The following RAPGEF4 variants were observed in gnomAD, a reference collection of about 807,000 sequenced individuals.
The protein encoded by RAPGEF4 is RAP guanine-nucleotide-exchange factor (GEF) 4.
In RAPGEF4, 66 loss-of-function variants were observed where a neutral mutation model predicts 147.9. The ratio of observed to expected loss-of-function variants is 0.45; its 90% CI spans 0.37 to 0.55. The LOEUF (loss-of-function observed/expected upper bound fraction) is 0.55, where lower values mean the gene tolerates loss of function less well. Ranked by LOEUF, RAPGEF4 falls within the 20% of genes least tolerant of loss-of-function variation. The pLI, the probability that RAPGEF4 is intolerant of heterozygous loss-of-function variation, is 0.00. For missense variants in RAPGEF4, 1,071 were observed against 1,257.3 expected (o/e 0.85, Z 2.24); for synonymous variants, 419 against 442.7 (o/e 0.95, Z 0.67).
intron 17 of RAPGEF4, among the ~76,000 whole-genome samples, chr2:173,008,666 T>G (rs1014596720): frequency 2.0e-5 from 3 of 152,218 alleles, no homozygotes; most frequent in Non-Finnish European, 4.4e-5. Flanking sequence ...TATTCCCTGT[T>G]GTAGGCTGTA....
intron 4 of RAPGEF4, among the ~76,000 whole-genome samples, chr2:172,816,968 C>A (rs1228433367): frequency 6.6e-6 from 1 of 152,196 alleles, no homozygotes; most frequent in Non-Finnish European, 1.5e-5. Context: ...CATTATCTAG[C>A]AATCTGTTAA....
At chr2:172,803,515 A>G (rs761640197) in intron 3 of RAPGEF4, among the ~76,000 whole-genome samples, 2 of 152,154 alleles carry the variant, frequency 1.3e-5, no homozygotes, top group Non-Finnish European at 2.9e-5. Context: ...GGCCCATGAA[A>G]CCATTTTTTC....
At chr2:173,028,228 A>G (rs1696847248) in intron 25 of RAPGEF4, among the ~76,000 whole-genome samples, 1 of 152,240 alleles carries the variant, frequency 6.6e-6, no homozygotes, top group African/African-American at 2.4e-5. Context: ...AAAGCTGGCT[A>G]TTTTAAGAAA....
chr2:172,799,393 C>G (rs187327270), intron 3 of RAPGEF4, among the ~76,000 whole-genome samples: 2 of 152,200 alleles, frequency 1.3e-5, no homozygotes, highest in Non-Finnish European at 2.9e-5. Flanking sequence ...CACCACTGCT[C>G]TCCACCATTT....
chr2:173,014,252 A>G (rs1695296372), intron 17 of RAPGEF4, among the ~76,000 whole-genome samples: 1 of 152,166 alleles, frequency 6.6e-6, no homozygotes, highest in Admixed American at 6.5e-5. Context: ...CCCTTGGGCA[A>G]CTATCAGGCC....
chr2:172,872,000 C>T (rs1201799565), intron 4 of RAPGEF4, among the ~76,000 whole-genome samples: 1 of 152,152 alleles, frequency 6.6e-6, no homozygotes, highest in Non-Finnish European at 1.5e-5. Flanking sequence ...CATGATGTAT[C>T]ATCTGCCTTT....
chr2:172,902,601 T>C (rs1351733577), intron 4 of RAPGEF4, among the ~76,000 whole-genome samples: 1 of 152,182 alleles, frequency 6.6e-6, no homozygotes, highest in Non-Finnish European at 1.5e-5. Context: ...TTCAAACATG[T>C]GGCACCCTAA....
intron 10 of RAPGEF4, among the ~76,000 whole-genome samples, chr2:172,982,830 T>C (rs1024983066): frequency 1.3e-5 from 2 of 152,138 alleles, no homozygotes; most frequent in African/African-American, 4.8e-5. Context: ...TGGTGGGCAG[T>C]GGTGGTTTTT....
At chr2:173,005,252 T>A (rs914869523) in intron 17 of RAPGEF4, among the ~76,000 whole-genome samples, 3 of 152,182 alleles carry the variant, frequency 2.0e-5, no homozygotes, top group Admixed American at 2.0e-4. Context: ...ATGTTAATGC[T>A]TCTGATGTGT....
At chr2:172,995,540 A>G (rs1216664387) in intron 15 of RAPGEF4, among the ~76,000 whole-genome samples, 3 of 152,116 alleles carry the variant, frequency 2.0e-5, no homozygotes, top group Admixed American at 6.5e-5. Flanking sequence ...TCGGCCTCCC[A>G]AAGTGCTAGG....
chr2:172,804,312 C>T (rs1416923113), intron 3 of RAPGEF4, among the ~76,000 whole-genome samples: 1 of 152,146 alleles, frequency 6.6e-6, no homozygotes, highest in Non-Finnish European at 1.5e-5. Flanking sequence ...GGTTAAAAAA[C>T]ACACAGCTTC....
At chr2:172,971,171 G>C (rs1690439452) in intron 10 of RAPGEF4, among the ~76,000 whole-genome samples, 1 of 152,188 alleles carries the variant, frequency 6.6e-6, no homozygotes, top group South Asian at 2.1e-4. Flanking sequence ...GAGTGACTAG[G>C]TAAACAGAGT....
At chr2:172,976,186 T>C (rs1479986887) in intron 10 of RAPGEF4, among the ~76,000 whole-genome samples, 1 of 152,162 alleles carries the variant, frequency 6.6e-6, no homozygotes, top group East Asian at 1.9e-4. Flanking sequence ...AAACGTCCTT[T>C]TTGGGGTTAA....
intron 12 of RAPGEF4, among the ~76,000 whole-genome samples, chr2:172,987,108 T>A (rs1328158050): frequency 6.6e-6 from 1 of 151,894 alleles, no homozygotes; most frequent in Non-Finnish European, 1.5e-5. Flanking sequence ...AGTCCAGGAG[T>A]TCGAGATCAG....
intron 12 of RAPGEF4, among the ~76,000 whole-genome samples, chr2:172,987,117 A>G (rs1176862819): frequency 6.6e-6 from 1 of 152,086 alleles, no homozygotes; most frequent in Non-Finnish European, 1.5e-5. Context: ...GTTCGAGATC[A>G]GCCTGGGGAA....
intron 4 of RAPGEF4, among the ~76,000 whole-genome samples, chr2:172,833,680 C>T (rs903780341): frequency 1.3e-5 from 2 of 152,122 alleles, no homozygotes; most frequent in Admixed American, 1.3e-4. Context: ...GAAACGTGCC[C>T]CTTTTGCCAT....
chr2:172,755,434 G>A (rs1695679089), intron 1 of RAPGEF4, among the ~76,000 whole-genome samples: 1 of 152,194 alleles, frequency 6.6e-6, no homozygotes, highest in African/African-American at 2.4e-5. Context: ...CACTCTTGTT[G>A]CCCAGGCTGG....
At position 172,990,790 on chromosome 2, in the gene RAPGEF4, G is replaced by T. The variant is rs1400821608; in HGVS notation, c.1375-20G>T. The T allele has an allele frequency of 6.4e-7, 1 of 1,573,274 alleles. No individual in the cohort carries two copies. The highest frequency in any genetic ancestry group is 1.1e-5 in the South Asian group (1 of 89,712). ...TGAGTAAGCGGCAGCATCTGTATGT[G>T]GTGTAATTTGTATTTGCAGGACGTG... On this transcript the variant is annotated intron_variant, in intron 14 of 30. Coordinates refer to ENST00000397081, the MANE Select transcript of RAPGEF4 (RefSeq NM_007023.4).
At chr2:172,911,907 C>A (rs1241708043) in intron 4 of RAPGEF4, among the ~76,000 whole-genome samples, 1 of 151,760 alleles carries the variant, frequency 6.6e-6, no homozygotes. Context: ...GCCCGGATTA[C>A]AGGTACACGC....
Sources: gnomAD v4.1 joint callset for allele counts (sites outside exome capture counted in the v4.1 genomes callset) on GRCh38, gnomAD v4.1.1 for gene constraint, MANE v1.5 for transcripts, NCBI Gene and HGNC (gene_info 2026-07-23, HGNC 2026-07-21) for gene names.